ZNF438: variants seen among roughly 807,000 people sequenced by gnomAD.
ZNF438 encodes the protein zinc finger protein 438.
In ZNF438, 25 loss-of-function variants were observed where a neutral mutation model predicts 38.0. The observed-to-expected ratio is 0.66, with a 90% CI of 0.48 to 0.92. ZNF438 has a LOEUF of 0.92. Ranked by LOEUF, ZNF438 falls within the 40% of genes least tolerant of loss-of-function variation. The pLI, the probability that ZNF438 is intolerant of heterozygous loss-of-function variation, is 0.00. For missense variants in ZNF438, 1,007 were observed against 999.6 expected (o/e 1.01, Z -0.10); for synonymous variants, 372 against 364.1 (o/e 1.02, Z -0.25).
intron 3 of ZNF438, among the ~76,000 whole-genome samples, 156 bp from the exon 5 acceptor site, chr10:30,877,221 A>G (rs923688705): frequency 6.6e-5 from 10 of 152,178 alleles, no homozygotes; most frequent in African/African-American, 2.4e-4. Flanking sequence ...TGATGTTTTT[A>G]TTTTCTTCTC....
chr10:30,948,394 G>A (rs1160244391), intron 1 of ZNF438, among the ~76,000 whole-genome samples: 2 of 152,172 alleles, frequency 1.3e-5, no homozygotes, highest in Non-Finnish European at 2.9e-5. Flanking sequence ...AACAAAGCTG[G>A]ATGGAGAATG....
chr10:30,876,002 T>G (rs1383169640), intron 4 of ZNF438, among the ~76,000 whole-genome samples: 4 of 152,216 alleles, frequency 2.6e-5, no homozygotes, highest in Non-Finnish European at 5.9e-5. Flanking sequence ...TCTCCACATA[T>G]CCTATAGAGT....
intron 1 of ZNF438, among the ~76,000 whole-genome samples, chr10:31,013,724 C>G (rs1252274015): frequency 6.6e-6 from 1 of 152,120 alleles, no homozygotes; most frequent in Non-Finnish European, 1.5e-5. Context: ...CTTCCCCCTC[C>G]ACATTTTCTA....
At chr10:30,887,816 T>G (rs2040162782) in intron 3 of ZNF438, among the ~76,000 whole-genome samples, 1 of 152,202 alleles carries the variant, frequency 6.6e-6, no homozygotes, top group African/African-American at 2.4e-5. Flanking sequence ...CCCCTTGTGC[T>G]CTTCTGTAAT....
chr10:30,995,586 T>G (rs2053963269), intron 1 of ZNF438, among the ~76,000 whole-genome samples: 1 of 152,168 alleles, frequency 6.6e-6, no homozygotes, highest in African/African-American at 2.4e-5. Context: ...TAAAGGAAAT[T>G]ACGTACATTA....
At chr10:30,966,217 G>C (rs1402671019) in intron 1 of ZNF438, among the ~76,000 whole-genome samples, 5 of 151,996 alleles carry the variant, frequency 3.3e-5, no homozygotes, top group African/African-American at 1.2e-4. Flanking sequence ...GTAATCTCAG[G>C]TACTTAGGAG....
chr10:30,910,360 A>T (rs2042957678), intron 2 of ZNF438: 1 of 152,218 alleles, frequency 6.6e-6, no homozygotes, highest in Non-Finnish European at 1.5e-5. Flanking sequence ...AAATGCTTAC[A>T]TTCCTATAGT....
intron 4 of ZNF438, among the ~76,000 whole-genome samples, chr10:30,868,033 T>C (rs995721392): frequency 1.3e-5 from 2 of 152,084 alleles, no homozygotes; most frequent in African/African-American, 4.8e-5. Flanking sequence ...CTCTTGGTAG[T>C]ATATAATCTT....
At chr10:30,927,177 A>G (rs1185182475) in intron 2 of ZNF438, among the ~76,000 whole-genome samples, 1 of 152,198 alleles carries the variant, frequency 6.6e-6, no homozygotes, top group Admixed American at 6.5e-5. Flanking sequence ...ATGCTAGCAC[A>G]TGTTACTAAC....
intron 3 of ZNF438, among the ~76,000 whole-genome samples, chr10:30,890,911 T>A (rs1434859808): frequency 6.6e-6 from 1 of 152,188 alleles, no homozygotes; most frequent in African/African-American, 2.4e-5. Context: ...TTCTCTCTCA[T>A]CAATAAAAAT....
At chr10:30,890,825 T>A (rs76313424) in intron 3 of ZNF438, among the ~76,000 whole-genome samples, 2,552 of 152,314 alleles carry the variant, frequency 0.017, 63 homozygotes, top group African/African-American at 0.058. Flanking sequence ...AATAACATGC[T>A]TATAATTTCA....
chr10:30,994,414 G>A (rs559731861), intron 1 of ZNF438, among the ~76,000 whole-genome samples: 17 of 152,310 alleles, frequency 1.1e-4, no homozygotes, highest in African/African-American at 4.1e-4. Flanking sequence ...AGATTAATAA[G>A]TTACTGGATT....
chr10:31,007,621 A>C (rs1421500787), intron 1 of ZNF438, among the ~76,000 whole-genome samples: 1 of 152,166 alleles, frequency 6.6e-6, no homozygotes, highest in Non-Finnish European at 1.5e-5. Flanking sequence ...TTTATTTTAC[A>C]GCAGCAATAC....
At chr10:30,887,178 G>A (rs957053736) in intron 3 of ZNF438, among the ~76,000 whole-genome samples, 3 of 152,138 alleles carry the variant, frequency 2.0e-5, no homozygotes, top group Admixed American at 2.0e-4. Flanking sequence ...TTATAGGCCA[G>A]GGACCACTGA....
chr10:30,981,463 C>G (rs574059104), intron 1 of ZNF438, among the ~76,000 whole-genome samples: 12 of 152,306 alleles, frequency 7.9e-5, no homozygotes, highest in African/African-American at 2.9e-4. Flanking sequence ...GCCTCCCCAT[C>G]TCAGAATTAG....
chr10:30,936,026 T>C (rs951406815), intron 2 of ZNF438, among the ~76,000 whole-genome samples: 1 of 152,174 alleles, frequency 6.6e-6, no homozygotes, highest in Non-Finnish European at 1.5e-5. Flanking sequence ...AAGCCGGTAC[T>C]CAAACCTCCT....
At chr10:30,974,622 G>C in intron 1 of ZNF438, among the ~76,000 whole-genome samples, 1 of 152,168 alleles carries the variant, frequency 6.6e-6, no homozygotes, top group East Asian at 1.9e-4. Flanking sequence ...ATAAACATGT[G>C]AGCCATATAT....
chr10:30,872,510 G>C (rs2037630219), intron 4 of ZNF438, among the ~76,000 whole-genome samples: 1 of 147,966 alleles, frequency 6.8e-6, no homozygotes, highest in Non-Finnish European at 1.5e-5. Context: ...CAGCACTTTG[G>C]GAGGCCGAGG....
intron 4 of ZNF438, among the ~76,000 whole-genome samples, chr10:30,857,260 T>TTTA (rs2034812763): frequency 6.8e-6 from 1 of 147,748 alleles, no homozygotes; most frequent in South Asian, 2.1e-4. Flanking sequence ...TAAAATTTCT[T>TTTA]TTTTTTTTTT....
Sources: gnomAD v4.1 joint callset for allele counts (sites outside exome capture counted in the v4.1 genomes callset) on GRCh38, gnomAD v4.1.1 for gene constraint, MANE v1.5 for transcripts, NCBI Gene and HGNC (gene_info 2026-07-23, HGNC 2026-07-21) for gene names.